SPAG16: variants seen among roughly 807,000 people sequenced by gnomAD.
The protein encoded by SPAG16 is sperm-associated antigen 16 protein.
A neutral mutation model predicts 80.4 loss-of-function variants in SPAG16; 86 were observed. The observed-to-expected ratio is 1.07, with a 90% CI of 0.90 to 1.28. The LOEUF (loss-of-function observed/expected upper bound fraction) is 1.28, where lower values mean the gene tolerates loss of function less well. Among genes scored for constraint, SPAG16 ranks in the 50% most tolerant of loss-of-function variants. The pLI is 0.00. For missense variants in SPAG16, 870 were observed against 765.3 expected (o/e 1.14, Z -1.61); for synonymous variants, 294 against 265.9 (o/e 1.11, Z -1.03).
intron 15 of SPAG16, among the ~76,000 whole-genome samples, chr2:214,276,248 A>G (rs554102052): frequency 1.3e-5 from 2 of 152,212 alleles, no homozygotes; most frequent in South Asian, 2.1e-4. Context: ...CTCTTTATCC[A>G]ATTTGCCAGT....
chr2:213,305,161 C>A (rs1372625232), intron 3 of SPAG16, among the ~76,000 whole-genome samples: 1 of 152,056 alleles, frequency 6.6e-6, no homozygotes, highest in East Asian at 1.9e-4. Flanking sequence ...TTCTTGATAT[C>A]TTTACCAGAT....
chr2:214,192,848 G>C (rs2057705793), intron 15 of SPAG16, among the ~76,000 whole-genome samples: 1 of 152,074 alleles, frequency 6.6e-6, no homozygotes, highest in Non-Finnish European at 1.5e-5. Context: ...ACTGCAATAA[G>C]CTTCTGTCTT....
At chr2:213,420,002 T>C (rs1352185127) in intron 9 of SPAG16, among the ~76,000 whole-genome samples, 1 of 151,746 alleles carries the variant, frequency 6.6e-6, no homozygotes, top group Non-Finnish European at 1.5e-5. Flanking sequence ...ATGGATAATA[T>C]TTTTTTCTAA....
chr2:213,613,914 A>T (rs1430662168), intron 10 of SPAG16, among the ~76,000 whole-genome samples: 1 of 152,222 alleles, frequency 6.6e-6, no homozygotes, highest in Non-Finnish European at 1.5e-5. Flanking sequence ...ACTTATCTCA[A>T]AGGTTTCAAA....
chr2:214,178,512 TA>T (rs1441635351), intron 15 of SPAG16, among the ~76,000 whole-genome samples: 1 of 151,204 alleles, frequency 6.6e-6, no homozygotes, highest in Non-Finnish European at 1.5e-5. Flanking sequence ...TAACAAGAAA[TA>T]AAAACAAGAA....
chr2:214,094,772 C>A (rs561911247), intron 13 of SPAG16, among the ~76,000 whole-genome samples: 1 of 152,162 alleles, frequency 6.6e-6, no homozygotes, highest in South Asian at 2.1e-4. Flanking sequence ...GCCTGCCCAA[C>A]AATGTATATT....
intron 9 of SPAG16, among the ~76,000 whole-genome samples, chr2:213,441,677 G>A (rs561140795): frequency 6.6e-6 from 1 of 152,244 alleles, no homozygotes; most frequent in African/African-American, 2.4e-5. Flanking sequence ...AAAGACATTG[G>A]GAAGAAATAA....
At chr2:213,536,354 T>A (rs1306843869) in intron 10 of SPAG16, among the ~76,000 whole-genome samples, 1 of 152,168 alleles carries the variant, frequency 6.6e-6, no homozygotes, top group Non-Finnish European at 1.5e-5. Flanking sequence ...AGTAATGCAA[T>A]GGCTGGGTCA....
At chr2:213,513,520 A>C (rs549731599) in intron 10 of SPAG16, among the ~76,000 whole-genome samples, 2 of 152,206 alleles carry the variant, frequency 1.3e-5, no homozygotes, top group African/African-American at 4.8e-5. Context: ...GACCCATGGA[A>C]TCTCAGGGAT....
chr2:214,007,132 T>C (rs1042617076), intron 12 of SPAG16, among the ~76,000 whole-genome samples: 2 of 152,100 alleles, frequency 1.3e-5, no homozygotes, highest in South Asian at 2.1e-4. Context: ...TAGATTATCA[T>C]TGTAATAACA....
In SPAG16 at chr2:213,507,953, A is replaced by T. The variant is rs111870265; in HGVS notation, c.1070+17863A>T. On this transcript the variant is annotated intron_variant, in intron 10 of 15. Transcript: ENST00000331683. ...TGTAGAGAAGTAGATTACTCATTTG[A>T]CTGGGGCAAGAGCTTCAGGTAAAAT... Among the ~76,000 whole-genome samples, 120 of 152,346 alleles carry T rather than the reference A, an allele frequency of 7.9e-4. 2 individuals are homozygous for T. The highest frequency in any genetic ancestry group is 3.4e-3 in the Middle Eastern group (1 of 294).
chr2:213,909,828 C>A (rs571133165), intron 11 of SPAG16, among the ~76,000 whole-genome samples: 90 of 152,266 alleles, frequency 5.9e-4, no homozygotes, highest in African/African-American at 2.0e-3. Flanking sequence ...ACCCTCAAAC[C>A]CTCATACAGC....
intron 15 of SPAG16, among the ~76,000 whole-genome samples, chr2:214,241,930 A>G (rs2125827926): frequency 6.6e-6 from 1 of 152,256 alleles, no homozygotes; most frequent in Non-Finnish European, 1.5e-5. Flanking sequence ...TGCTAATAGT[A>G]TTGAAACTTC....
At chr2:213,599,662 C>T (rs545521982) in intron 10 of SPAG16, among the ~76,000 whole-genome samples, 9 of 152,166 alleles carry the variant, frequency 5.9e-5, no homozygotes, top group South Asian at 2.1e-4. Context: ...GCTTCTTGTC[C>T]GCAAGAAGGC....
chr2:213,496,890 A>T (rs188156124), intron 10 of SPAG16, among the ~76,000 whole-genome samples: 1 of 151,596 alleles, frequency 6.6e-6, no homozygotes, highest in Admixed American at 6.6e-5. Flanking sequence ...ATAAGCTTAA[A>T]TTATGTTGTA....
At chr2:213,734,119 G>A (rs192622031) in intron 10 of SPAG16, among the ~76,000 whole-genome samples, 9 of 152,234 alleles carry the variant, frequency 5.9e-5, no homozygotes, top group East Asian at 5.8e-4. Context: ...CTCTTGTGGC[G>A]TGCATTTATG....
chr2:213,361,535 A>G (rs1479423171), intron 7 of SPAG16, among the ~76,000 whole-genome samples: 2 of 151,644 alleles, frequency 1.3e-5, no homozygotes, highest in Non-Finnish European at 1.5e-5. Flanking sequence ...TAATAAAAGG[A>G]AAGGAAACAG....
intron 10 of SPAG16, among the ~76,000 whole-genome samples, chr2:213,648,003 A>G (rs185014652): frequency 2.4e-4 from 37 of 152,028 alleles, no homozygotes; most frequent in African/African-American, 8.9e-4. Flanking sequence ...AGAAATGTCT[A>G]CTCTCTTAAA....
At chr2:213,643,459 G>A (rs2125121683) in intron 10 of SPAG16, among the ~76,000 whole-genome samples, 1 of 127,962 alleles carries the variant, frequency 7.8e-6, no homozygotes, top group East Asian at 2.4e-4. Context: ...TTCATCTTTG[G>A]GAGTTTGATT....
Sources: allele counts gnomAD v4.1 joint callset (sites outside exome capture counted in the v4.1 genomes callset), GRCh38; gene constraint gnomAD v4.1.1; transcripts MANE v1.5; gene names NCBI Gene and HGNC (gene_info 2026-07-23, HGNC 2026-07-21).